BCAS3: variants seen among roughly 807,000 people sequenced by gnomAD.
BCAS3 encodes BCAS4/BCAS3 fusion.
A neutral mutation model predicts 116.1 loss-of-function variants in BCAS3; 53 were observed. The observed-to-expected ratio is 0.46, with a 90% CI of 0.37 to 0.57. The LOEUF (loss-of-function observed/expected upper bound fraction) is 0.57. Ranked by LOEUF, BCAS3 falls within the 20% of genes least tolerant of loss-of-function variation. The pLI is 0.00. For missense variants in BCAS3, 917 were observed against 1,165.4 expected (o/e 0.79, Z 3.10); for synonymous variants, 391 against 408.2 (o/e 0.96, Z 0.51).
chr17:61,147,867 T>G (rs1390582530), intron 22 of BCAS3, among the ~76,000 whole-genome samples: 1 of 151,928 alleles, frequency 6.6e-6, no homozygotes, highest in Non-Finnish European at 1.5e-5. Flanking sequence ...ATGCCTGTAA[T>G]CCCAGCTACT....
In BCAS3 at chr17:60,928,904, A is replaced by G. The variant is rs577171086; in HGVS notation, c.1087+4404A>G. On this transcript the variant is annotated intron_variant, in intron 13 of 23. Transcript: ENST00000407086. ...ACCCTTCTGATTGGTGTACATACAT[A>G]TACACACACATACATAGAGGACATG... Among the ~76,000 whole-genome samples the G allele has an allele frequency of 1.9e-4, 29 of 152,308 alleles. No individual in the cohort carries two copies. The South Asian group carries it at 5.6e-3, about 29-fold the overall frequency.
intron 11 of BCAS3, among the ~76,000 whole-genome samples, chr17:60,903,510 T>A (rs2058029542): frequency 6.6e-6 from 1 of 152,228 alleles, no homozygotes; most frequent in Non-Finnish European, 1.5e-5. Flanking sequence ...ATCTTTTTTC[T>A]TTTCTTAAGA....
At chr17:61,042,623 C>T (rs1356522775) in intron 19 of BCAS3, among the ~76,000 whole-genome samples, 1 of 151,832 alleles carries the variant, frequency 6.6e-6, no homozygotes, top group Admixed American at 6.6e-5. Context: ...CGCAGTGGCT[C>T]ACGTCTGTAA....
At chr17:61,022,686 C>T (rs1049566851) in intron 16 of BCAS3, among the ~76,000 whole-genome samples, 2 of 152,168 alleles carry the variant, frequency 1.3e-5, no homozygotes, top group Non-Finnish European at 2.9e-5. Flanking sequence ...GTCACCCAGG[C>T]TCAAGTGCAG....
At chr17:60,692,245 TTTA>T (rs1402619504) in intron 4 of BCAS3, among the ~76,000 whole-genome samples, 2 of 151,906 alleles carry the variant, frequency 1.3e-5, no homozygotes, top group Non-Finnish European at 2.9e-5. Context: ...TATTGATATA[TTTA>T]TTTATTTTTG....
intron 14 of BCAS3, among the ~76,000 whole-genome samples, chr17:60,988,436 A>G (rs1281763932): frequency 7.2e-6 from 1 of 138,006 alleles, no homozygotes; most frequent in African/African-American, 2.7e-5. Flanking sequence ...TTCCTCCTCT[A>G]TTCTTCTCAA....
chr17:60,896,222 G>A (rs2057500415), intron 10 of BCAS3, among the ~76,000 whole-genome samples: 1 of 152,172 alleles, frequency 6.6e-6, no homozygotes, highest in African/African-American at 2.4e-5. Flanking sequence ...CCACTTGGGA[G>A]GCTAAGGCAA....
chr17:61,360,534 T>G (rs548685907), intron 22 of BCAS3, among the ~76,000 whole-genome samples: 1 of 152,308 alleles, frequency 6.6e-6, no homozygotes, highest in African/African-American at 2.4e-5. Context: ...CTTCCTTGCT[T>G]CTTCTGGCTT....
At chr17:61,271,124 C>CTTTTTTTTT (rs1198682844) in intron 22 of BCAS3, among the ~76,000 whole-genome samples, 1 of 107,118 alleles carries the variant, frequency 9.3e-6, no homozygotes. Flanking sequence ...AACTTTTATT[C>CTTTTTTTTT]TTTTTTTTTT....
rs369836976 is a variant in BCAS3 at position 60,995,500 on chromosome 17, G to A, written c.1486+5265G>A. Among the ~76,000 whole-genome samples the A allele has an allele frequency of 3.3e-5, 5 of 151,994 alleles. No homozygotes were observed. In the South Asian group the frequency reaches 1.0e-3, roughly 32 times the overall value. On this transcript the variant is annotated intron_variant, in intron 15 of 23. Transcript: ENST00000407086. The surrounding 1 kb of genome is among the most constrained non-coding windows in gnomAD (Gnocchi z 4.7). ...TTAAGTAGAGACTGGGTTTCACAAT[G>A]TTGGCCAGGCTGGTCTCAAACTCCT... is the stretch of plus-strand genomic sequence containing the variant.
intron 22 of BCAS3, among the ~76,000 whole-genome samples, chr17:61,154,937 G>T (rs1301832544): frequency 6.6e-6 from 1 of 151,610 alleles, no homozygotes; most frequent in Non-Finnish European, 1.5e-5. Context: ...TTGGTGGGGG[G>T]TGTTTGGCTT....
In BCAS3 at chr17:61,034,267, AC is replaced by A. The variant is rs1464215164; in HGVS notation, c.1638-398del. Among the ~76,000 whole-genome samples the A allele has an allele frequency of 2.0e-5, 3 of 152,218 alleles. No homozygotes were observed. Among genetic ancestry groups the A allele is most frequent in the Admixed American group, 1.3e-4 (2 of 15,286 alleles). On this transcript the variant is annotated intron_variant, in intron 16 of 23. Coordinates refer to ENST00000407086, the MANE Select transcript of BCAS3 (RefSeq NM_017679.5). The surrounding 1 kb of genome is among the most constrained non-coding windows in gnomAD (Gnocchi z 5.0). ...AAAGGCAGTGGCAAAAACCACAATT[AC>A]TTTTGCATCAACCTAATATATATAG...
chr17:61,045,978 T>A (rs866596073), intron 19 of BCAS3, among the ~76,000 whole-genome samples: 12 of 9,184 alleles, frequency 1.3e-3, no homozygotes, highest in African/African-American at 5.9e-3. Flanking sequence ...ATATATATAT[T>A]ATATATATAT....
chr17:61,293,731 T>C (rs564360588), intron 22 of BCAS3, among the ~76,000 whole-genome samples: 3 of 152,272 alleles, frequency 2.0e-5, no homozygotes, highest in African/African-American at 7.2e-5. Flanking sequence ...ATCCTTAAGT[T>C]CCATTATGTG....
rs892764296 is a variant in BCAS3 at position 61,317,060 on chromosome 17, T to C, written c.2426-51267T>C. Among the ~76,000 whole-genome samples, 6 of 152,242 alleles carry C rather than the reference T, an allele frequency of 3.9e-5. No individual in the cohort carries two copies. The East Asian group carries it at 9.6e-4, about 24-fold the overall frequency. ...TAGCATATACAAAAATTCCGTTCAC[T>C]GCTTTGTTTTCTTAAAAAAGTTTAG... is the stretch of plus-strand genomic sequence containing the variant. On this transcript the variant is annotated intron_variant, in intron 22 of 23. Transcript: ENST00000407086.
At chr17:61,336,058 G>A (rs541605091) in intron 22 of BCAS3, among the ~76,000 whole-genome samples, 5 of 152,322 alleles carry the variant, frequency 3.3e-5, no homozygotes, top group African/African-American at 7.2e-5. Flanking sequence ...TTCCTTTCGC[G>A]CCTCCAGCTC....
chr17:61,007,927 T>C lies in BCAS3; in HGVS notation c.1487-7824T>C, dbSNP rs890777426. Among the ~76,000 whole-genome samples the C allele has an allele frequency of 6.6e-5, 10 of 152,092 alleles. No homozygotes were observed. Among genetic ancestry groups the C allele is most frequent in the Admixed American group, 4.6e-4 (7 of 15,262 alleles). On this transcript the variant is annotated intron_variant, in intron 15 of 23. Coordinates refer to ENST00000407086, the MANE Select transcript of BCAS3 (RefSeq NM_017679.5). The surrounding 1 kb of genome is among the most constrained non-coding windows in gnomAD (Gnocchi z 4.3). ...ATCGATTGCCTCCAAAAAAAAGTTA[T>C]AGGCAAAATGAATCAGTGCCCACAC...
At chr17:61,081,793 C>T (rs917382444) in intron 21 of BCAS3, among the ~76,000 whole-genome samples, 2 of 152,192 alleles carry the variant, frequency 1.3e-5, no homozygotes, top group African/African-American at 2.4e-5. Flanking sequence ...TTTATGATCA[C>T]TCTAGCCCAG....
rs541345006 is a variant in BCAS3 at position 60,995,555 on chromosome 17, C to T, written c.1486+5320C>T. Reference sequence around the variant, plus strand: ...TCAAGTGATCCACCTGCCTCAGCCTCCCAAGGTGCTGGGATTACAAGCGTG... The same window carrying T: ...TCAAGTGATCCACCTGCCTCAGCCTTCCAAGGTGCTGGGATTACAAGCGTG... On this transcript the variant is annotated intron_variant, in intron 15 of 23. Transcript: ENST00000407086. The surrounding 1 kb of genome is among the most constrained non-coding windows in gnomAD (Gnocchi z 4.7). 3.1e-4 allele frequency among the ~76,000 whole-genome samples: 47 copies of T among 152,318 alleles called. No individual in the cohort carries two copies. Among genetic ancestry groups the T allele is most frequent in the African/African-American group, 1.1e-3 (46 of 41,570 alleles).
Sources: gnomAD v4.1 joint callset for allele counts (sites outside exome capture counted in the v4.1 genomes callset) on GRCh38, gnomAD v4.1.1 for gene constraint, Gnocchi (gnomAD v3.1) non-coding constraint, MANE v1.5 for transcripts, NCBI Gene and HGNC (gene_info 2026-07-23, HGNC 2026-07-21) for gene names.